The following DOCK8 variants were observed in gnomAD, a reference collection of about 807,000 sequenced individuals.
The protein encoded by DOCK8 is dedicator of cytokinesis protein 8.
Under a neutral mutation model 245.6 loss-of-function variants are expected in DOCK8, and 141 were observed. The ratio of observed to expected loss-of-function variants is 0.57; its 90% CI spans 0.50 to 0.66. The LOEUF (loss-of-function observed/expected upper bound fraction) is 0.66, where lower values mean the gene tolerates loss of function less well. Among genes scored for constraint, DOCK8 ranks in the 30% least tolerant of loss-of-function variants. The pLI is 0.00. For missense variants in DOCK8, 2,965 were observed against 2,603.4 expected, an observed-to-expected ratio of 1.14 and a Z score of -3.02; for synonymous variants, 1,168 against 970.2, an observed-to-expected ratio of 1.20 and a Z score of -3.79.
intron 10 of DOCK8, among the ~76,000 whole-genome samples, chr9:333,426 C>T (rs947592219): frequency 2.0e-5 from 3 of 152,020 alleles, no homozygotes; most frequent in Non-Finnish European, 4.4e-5. Context: ...ACGGTGAAAC[C>T]CCGTCTCTGC....
intron 2 of DOCK8, chr9:273,177 C>G: frequency 4.6e-6 from 4 of 876,868 alleles, no homozygotes; most frequent in Non-Finnish European, 5.2e-6. Flanking sequence ...AATAGTAGTA[C>G]GAAAAACCTA....
chr9:411,924 ATAAGAGAACTTCCTCAACTTGACT>A (rs1231975515), intron 28 of DOCK8, among the ~76,000 whole-genome samples: 1 of 152,252 alleles, frequency 6.6e-6, no homozygotes, highest in Non-Finnish European at 1.5e-5. Context: ...CTTTTAGGAA[ATAAGAGAACTTCCTCAACTTGACT>A]TAAGGGCCTC....
At chr9:304,789 C>A in intron 5 of DOCK8, 85 bp downstream of exon 5, 1 of 1,587,392 alleles carries the variant, frequency 6.3e-7, no homozygotes, top group Non-Finnish European at 8.6e-7. Context: ...CTAGAATAAA[C>A]GATAGACGCA....
chr9:362,919 A>G (rs957294130), intron 14 of DOCK8, among the ~76,000 whole-genome samples: 7 of 152,226 alleles, frequency 4.6e-5, no homozygotes, highest in African/African-American at 1.7e-4. Flanking sequence ...TCAGCAAAAG[A>G]AATAGAAGAT....
Position 441,424 on chromosome 9 carries a change from G to C in DOCK8, c.5355+7G>C. The C allele has an allele frequency of 1.2e-6, 2 of 1,614,032 alleles. No homozygotes were observed. Among genetic ancestry groups the C allele is most frequent in the South Asian group, 1.1e-5 (1 of 91,070 alleles). ...CGACAGCATCGTTAACAAGGTAGCC[G>C]GGGAGCCTGGCTGGCAGGTCTTGTT... On this transcript the variant is annotated splice_region_variant and intron_variant, in intron 41 of 47. Transcript: ENST00000432829.
chr9:376,994 G>C lies in DOCK8; in HGVS notation c.2223G>C (p.Lys741Asn). The change falls in exon 20 of 48, where the codon AAG (lysine) becomes AAC (asparagine). Residue 741 changes from lysine to asparagine, a missense_variant. Coordinates refer to ENST00000432829, the MANE Select transcript of DOCK8 (RefSeq NM_203447.4). ...CTTCGCAGGACAACCACCTGGAGAA[G>C]TTCTTCACCCTCTGCCACTCCCTGG... ...SVHTQDNHLEKFFTLCHSLES... is the reference protein window; with the variant it reads ...SVHTQDNHLENFFTLCHSLES... The C allele has an allele frequency of 6.2e-7, 1 of 1,614,018 alleles. No homozygotes were observed. The highest frequency in any genetic ancestry group is 8.5e-7 in the Non-Finnish European group (1 of 1,179,986).
Position 399,276 on chromosome 9 carries a change from C to T in DOCK8, c.3234+17C>T, listed in dbSNP as rs1334361052. ...TGCAGCCAGGTGAGTGTCCCCCCCACCCCCACCCCCGAGCGAGCCACTTGG... is the reference window on the plus strand; with the variant it reads ...TGCAGCCAGGTGAGTGTCCCCCCCATCCCCACCCCCGAGCGAGCCACTTGG... On this transcript the variant is annotated intron_variant, in intron 26 of 47. Coordinates refer to ENST00000432829, the MANE Select transcript of DOCK8 (RefSeq NM_203447.4). The T allele has an allele frequency of 7.0e-7, 1 of 1,436,658 alleles. No individual in the cohort carries two copies. The highest frequency in any genetic ancestry group is 9.3e-7 in the Non-Finnish European group (1 of 1,076,390). 89.0% of individuals were successfully genotyped at this position (1,436,658 alleles called of 1,614,324 possible).
intron 44 of DOCK8, 120 bp downstream of exon 44, chr9:446,726 A>G: frequency 2.3e-6 from 2 of 879,638 alleles, no homozygotes; most frequent in Non-Finnish European, 3.7e-6. Context: ...CACTTGAAAT[A>G]TGATTATATG....
intron 4 of DOCK8, among the ~76,000 whole-genome samples, chr9:292,187 A>G (rs2049069088): frequency 1.3e-5 from 2 of 151,144 alleles, no homozygotes; most frequent in Admixed American, 1.3e-4. Context: ...CCTGACCAAC[A>G]TGGAGAAACC....
intron 14 of DOCK8, among the ~76,000 whole-genome samples, chr9:354,946 A>T (rs567205299): frequency 6.6e-6 from 1 of 152,276 alleles, no homozygotes; most frequent in South Asian, 2.1e-4. Context: ...ATCAGAAGCG[A>T]GTCACTAGGT....
intron 29 of DOCK8, among the ~76,000 whole-genome samples, chr9:416,147 G>A (rs947509194): frequency 2.0e-5 from 3 of 152,206 alleles, no homozygotes; most frequent in Non-Finnish European, 4.4e-5. Context: ...GGGCCAGAGT[G>A]CAAGGAAATG....
intron 33 of DOCK8, among the ~76,000 whole-genome samples, chr9:426,059 T>TTGGTAAAGTCAATTCTTCATA (rs2056488343): frequency 6.6e-6 from 1 of 152,150 alleles, no homozygotes; most frequent in Non-Finnish European, 1.5e-5. Context: ...CTGAGGCATC[T>TTGGTAAAGTCAATTCTTCATA]TGGTAAAGTC....
chr9:222,588 A>G (rs530324445), intron 1 of DOCK8, among the ~76,000 whole-genome samples: 1 of 152,292 alleles, frequency 6.6e-6, no homozygotes, highest in East Asian at 1.9e-4. Flanking sequence ...AAATGCCTGT[A>G]ACCTCTTCCT....
chr9:246,567 G>T (rs1052107307), intron 1 of DOCK8, among the ~76,000 whole-genome samples: 1 of 152,024 alleles, frequency 6.6e-6, no homozygotes, highest in Non-Finnish European at 1.5e-5. Context: ...TTTTTTGTCT[G>T]ACAGAGACAG....
At chr9:354,632 C>T (rs1311504977) in intron 14 of DOCK8, among the ~76,000 whole-genome samples, 2 of 152,142 alleles carry the variant, frequency 1.3e-5, no homozygotes, top group Non-Finnish European at 2.9e-5. Flanking sequence ...TCAAGGGTCC[C>T]CTGGGGGTGG....
rs2055470769 is a variant in DOCK8 at position 407,172 on chromosome 9, T to C, written c.3530+103T>C. On this transcript the variant is annotated intron_variant, in intron 28 of 47. Coordinates refer to ENST00000432829, the MANE Select transcript of DOCK8 (RefSeq NM_203447.4). ...TCACACTTGGTAAAAAACTCTACTG[T>C]AGTTGACCAGTTCTGAGGAGTAGAA... is the stretch of plus-strand genomic sequence containing the variant. The C allele has an allele frequency of 3.9e-6, 6 of 1,534,384 alleles. No individual in the cohort carries two copies. The African/African-American group carries it at 5.5e-5, about 14-fold the overall frequency.
At chr9:426,327 G>A (rs983348968) in intron 33 of DOCK8, among the ~76,000 whole-genome samples, 7 of 152,150 alleles carry the variant, frequency 4.6e-5, no homozygotes, top group Non-Finnish European at 1.0e-4. Flanking sequence ...GGAAAAGGAC[G>A]AAAGACCCCA....
intron 14 of DOCK8, chr9:365,642 TG>T (rs1563968919): frequency 2.2e-6 from 1 of 455,482 alleles, no homozygotes; most frequent in Admixed American, 2.4e-5. Flanking sequence ...CACAGCCCTT[TG>T]AGGTCGATGC....
chr9:425,471 G>A (rs1179720815), intron 33 of DOCK8, among the ~76,000 whole-genome samples: 3 of 150,842 alleles, frequency 2.0e-5, no homozygotes, highest in Non-Finnish European at 4.4e-5. Context: ...AGTGGAGCTT[G>A]CGGTGAGCCA....
Sources: gnomAD v4.1 joint callset for allele counts (sites outside exome capture counted in the v4.1 genomes callset) on GRCh38, gnomAD v4.1.1 for gene constraint, MANE v1.5 for transcripts, NCBI Gene and HGNC (gene_info 2026-07-23, HGNC 2026-07-21) for gene names.